DERA: variants seen among roughly 807,000 people sequenced by gnomAD.
DERA encodes the protein 2-deoxy-D-ribose 5-phosphate aldolase.
In DERA, 15 loss-of-function variants were observed where a neutral mutation model predicts 41.1. The observed-to-expected ratio is 0.37, with a 90% CI of 0.24 to 0.56. The LOEUF (loss-of-function observed/expected upper bound fraction) is 0.56. Ranked by LOEUF, DERA falls within the 20% of genes least tolerant of loss-of-function variation. The pLI, the probability that DERA is intolerant of heterozygous loss-of-function variation, is 0.81. For missense variants in DERA, 396 were observed against 403.4 expected, an observed-to-expected ratio of 0.98 and a Z score of 0.16; for synonymous variants, 139 against 137.4, an observed-to-expected ratio of 1.01 and a Z score of -0.08.
intron 1 of DERA, among the ~76,000 whole-genome samples, chr12:15,927,452 A>G (rs553028887): frequency 6.6e-6 from 1 of 152,320 alleles, no homozygotes; most frequent in Non-Finnish European, 1.5e-5. Context: ...TGGTTTCAGA[A>G]TTTAAATATG....
intron 1 of DERA, among the ~76,000 whole-genome samples, chr12:15,920,102 G>A (rs377302894): frequency 1.4e-4 from 10 of 73,632 alleles, no homozygotes; most frequent in African/African-American, 2.7e-4. Context: ...TATCTGGCCT[G>A]CTGAAGGTAT....
Position 15,939,822 on chromosome 12 carries a change from A to G in DERA, c.32-17114A>G, listed in dbSNP as rs145037948. Among the ~76,000 whole-genome samples, 283 of 152,324 alleles carry G rather than the reference A, an allele frequency of 1.9e-3. 2 individuals carry two copies. The highest frequency in any genetic ancestry group is 6.4e-3 in the African/African-American group (268 of 41,568). On this transcript the variant is annotated intron_variant, in intron 1 of 8. Coordinates refer to ENST00000428559, the MANE Select transcript of DERA (RefSeq NM_015954.4). ...AGAGAGAGTGTGTGTATTGCCATGA[A>G]GAAAGATTTATGTTTAATTTAATGT...
rs528943146 is a variant in DERA, at chr12:16,014,823, C to A, written c.638-17719C>A. On this transcript the variant is annotated intron_variant, in intron 6 of 8. Coordinates refer to ENST00000428559, the MANE Select transcript of DERA (RefSeq NM_015954.4). The surrounding 1 kb of genome is among the most constrained non-coding windows in gnomAD (Gnocchi z 5.4). ...AAGCAGCCAGGAGGGGTACTGTACC[C>A]TGCAAAGCCACAGGGGTGGAGCTGC... 3.2e-4 allele frequency among the ~76,000 whole-genome samples: 48 copies of A among 152,302 alleles called. No homozygotes were observed. The South Asian group carries it at 1.0e-2, about 32-fold the overall frequency.
At chr12:15,919,220 A>G (rs1948223755) in intron 1 of DERA, among the ~76,000 whole-genome samples, 1 of 152,192 alleles carries the variant, frequency 6.6e-6, no homozygotes, top group Admixed American at 6.5e-5. Flanking sequence ...ATAATTAAAT[A>G]ATTAAAAGTC....
At chr12:15,944,281 C>G (rs1222773152) in intron 1 of DERA, among the ~76,000 whole-genome samples, 2 of 152,124 alleles carry the variant, frequency 1.3e-5, no homozygotes, top group Non-Finnish European at 2.9e-5. Flanking sequence ...ATTTCTAGTT[C>G]TAGATCCTTG....
At chr12:15,978,513 G>C (rs184780600) in intron 5 of DERA, among the ~76,000 whole-genome samples, 1 of 152,270 alleles carries the variant, frequency 6.6e-6, no homozygotes, top group African/African-American at 2.4e-5. Context: ...TGAGCAAACT[G>C]AGCCTCCCTA....
rs1948364043 is a variant in DERA, at chr12:15,936,351, A to G, written c.32-20585A>G. Among the ~76,000 whole-genome samples the G allele has an allele frequency of 6.6e-6, 1 of 152,232 alleles. No individual in the cohort carries two copies. The highest frequency in any genetic ancestry group is 1.5e-5 in the Non-Finnish European group (1 of 68,038). On this transcript the variant is annotated intron_variant, in intron 1 of 8. Transcript: ENST00000428559. The surrounding 1 kb of genome is among the most constrained non-coding windows in gnomAD (Gnocchi z 4.6). ...AGTAGGACTAGTATAAAGAACACTC[A>G]TATATCTGTCATGACCTAACACATT...
At chr12:16,027,753 C>A (rs750117081) in intron 6 of DERA, among the ~76,000 whole-genome samples, 15 of 152,098 alleles carry the variant, frequency 9.9e-5, no homozygotes, top group Non-Finnish European at 1.8e-4. Flanking sequence ...TCCCTTGTTA[C>A]AACAACAATA....
chr12:15,952,227 T>A (rs1277767304), intron 1 of DERA, among the ~76,000 whole-genome samples: 2 of 152,228 alleles, frequency 1.3e-5, no homozygotes, highest in African/African-American at 4.8e-5. Flanking sequence ...ATGGCTGAAT[T>A]GTATTCTGTT....
At chr12:15,962,744 TC>T (rs767242508) in intron 4 of DERA, 68 bp from the exon 5 acceptor site, 17 of 1,382,642 alleles carry the variant, frequency 1.2e-5, no homozygotes, top group East Asian at 5.1e-5. Flanking sequence ...TGTTTTCCCC[TC>T]CCCCCCTTGC....
intron 6 of DERA, among the ~76,000 whole-genome samples, chr12:16,031,644 CTG>C (rs1949093009): frequency 6.6e-6 from 1 of 152,286 alleles, no homozygotes; most frequent in Non-Finnish European, 1.5e-5. Context: ...GGGTATCTGA[CTG>C]TGTGAACCTA....
intron 1 of DERA, among the ~76,000 whole-genome samples, chr12:15,923,529 G>A (rs1436411109): frequency 6.6e-6 from 1 of 152,026 alleles, no homozygotes; most frequent in African/African-American, 2.4e-5. Flanking sequence ...CCAGTGATCA[G>A]TTTACATTTT....
Position 16,010,741 on chromosome 12 carries a change from G to T in DERA, c.638-21801G>T, listed in dbSNP as rs1467627419. Among the ~76,000 whole-genome samples, 1 of 151,996 alleles carries T rather than the reference G, an allele frequency of 6.6e-6. No homozygotes were observed. Among genetic ancestry groups the T allele is most frequent in the East Asian group, 1.9e-4 (1 of 5,162 alleles). ...GCTTTCCATTCAGGGCTGTTTGAAA[G>T]TTCACCTGTCTATGGATCTGCTAAT... On this transcript the variant is annotated intron_variant, in intron 6 of 8. Coordinates refer to ENST00000428559, the MANE Select transcript of DERA (RefSeq NM_015954.4). This position sits in a 1 kb window ranked among gnomAD's most constrained non-coding sequence, Gnocchi z 5.5.
rs150175608 is a variant in DERA, at chr12:15,941,362, G to A, written c.32-15574G>A. Among the ~76,000 whole-genome samples the A allele has an allele frequency of 7.9e-5, 12 of 152,244 alleles. No individual in the cohort carries two copies. In the East Asian group the frequency reaches 1.3e-3, roughly 17 times the overall value. On this transcript the variant is annotated intron_variant, in intron 1 of 8. Coordinates refer to ENST00000428559, the MANE Select transcript of DERA (RefSeq NM_015954.4). The surrounding 1 kb of genome is among the most constrained non-coding windows in gnomAD (Gnocchi z 4.5). ...CACCCAAGAGTAGAAGGACTTAGCC[G>A]TCTGTAGCCACAATTTTTTTTTTAA...
In DERA at chr12:15,911,395, C is replaced by T. The variant is rs545787021; in HGVS notation, c.12C>T (p.His4=). 2 of 1,405,228 alleles carry T rather than the reference C, an allele frequency of 1.4e-6. No individual in the cohort carries two copies. The highest frequency in any genetic ancestry group is 1.8e-6 in the Non-Finnish European group (2 of 1,091,836). 87.0% of individuals were successfully genotyped at this position (1,405,228 alleles called of 1,614,324 possible). ...GAGCTGCCCGCGCCATGTCCGCGCA[C>T]AATCGGGGCACCGAGCTCGGTAAGG... MSA[H]NRGTELDLSW... is the part of the protein sequence containing the mutation. The change falls in exon 1 of 9, where the codon CAC becomes CAT. Residue 4 remains histidine (H), a synonymous_variant. Transcript: ENST00000428559. This position sits in a 1 kb window ranked among gnomAD's most constrained non-coding sequence, Gnocchi z 4.5.
At position 15,931,678 on chromosome 12, in the gene DERA, T is replaced by C. The variant is rs185733906; in HGVS notation, c.31+20264T>C. ...GCTGATGTTCAAATTTGATCCTCAG[T>C]GTGGCAGTGTTGGGAGATGGGGCCT... On this transcript the variant is annotated intron_variant, in intron 1 of 8. Coordinates refer to ENST00000428559, the MANE Select transcript of DERA (RefSeq NM_015954.4). This position sits in a 1 kb window ranked among gnomAD's most constrained non-coding sequence, Gnocchi z 4.6. Among the ~76,000 whole-genome samples the C allele has an allele frequency of 2.0e-5, 3 of 152,312 alleles. No individual in the cohort carries two copies. The highest frequency in any genetic ancestry group is 1.3e-4 in the Admixed American group (2 of 15,298).
chr12:16,009,658 T>G lies in DERA; in HGVS notation c.638-22884T>G, dbSNP rs1458675976. Among the ~76,000 whole-genome samples, 1 of 152,172 alleles carries G rather than the reference T, an allele frequency of 6.6e-6. No homozygotes were observed. Among genetic ancestry groups the G allele is most frequent in the Non-Finnish European group, 1.5e-5 (1 of 68,032 alleles). On this transcript the variant is annotated intron_variant, in intron 6 of 8. Coordinates refer to ENST00000428559, the MANE Select transcript of DERA (RefSeq NM_015954.4). This position sits in a 1 kb window ranked among gnomAD's most constrained non-coding sequence, Gnocchi z 5.3. Reference sequence around the variant, plus strand: ...CAGCTGAATTTTTTTCTCACTAAGGTTTTATATTTTTAAGTTATCCATGTA... The same window carrying G: ...CAGCTGAATTTTTTTCTCACTAAGGGTTTATATTTTTAAGTTATCCATGTA...
chr12:15,997,262 T>C (rs991551482), intron 6 of DERA, among the ~76,000 whole-genome samples: 2 of 152,194 alleles, frequency 1.3e-5, no homozygotes, highest in Non-Finnish European at 2.9e-5. Context: ...GAGCAGGCAA[T>C]TCTCTTGTGT....
chr12:15,982,798 C>G lies in DERA; in HGVS notation c.637+362C>G, dbSNP rs74065528. Among the ~76,000 whole-genome samples, 4,385 of 152,302 alleles carry G rather than the reference C, an allele frequency of 0.029. 215 individuals are homozygous for G. The highest frequency in any genetic ancestry group is 0.1 in the African/African-American group (4,169 of 41,544). On this transcript the variant is annotated intron_variant, in intron 6 of 8. Coordinates refer to ENST00000428559, the MANE Select transcript of DERA (RefSeq NM_015954.4). This position sits in a 1 kb window ranked among gnomAD's most constrained non-coding sequence, Gnocchi z 4.0. ...CTCTGAATTTAAGCTTTTCATTTATCTCAGAGATATATATCCATACTATCT... is the reference window on the plus strand; with the variant it reads ...CTCTGAATTTAAGCTTTTCATTTATGTCAGAGATATATATCCATACTATCT...
Sources: gnomAD v4.1 joint callset for allele counts (sites outside exome capture counted in the v4.1 genomes callset) on GRCh38, gnomAD v4.1.1 for gene constraint, Gnocchi (gnomAD v3.1) non-coding constraint, MANE v1.5 for transcripts, NCBI Gene and HGNC (gene_info 2026-07-23, HGNC 2026-07-21) for gene names.